ZNF410: variants seen among roughly 807,000 people sequenced by gnomAD.
ZNF410 encodes another partner for ARF 1.
In ZNF410, 18 loss-of-function variants were observed where a neutral mutation model predicts 54.8. The ratio of observed to expected loss-of-function variants is 0.33; its 90% CI spans 0.23 to 0.49. ZNF410 has a LOEUF of 0.49. ZNF410 is among the 20% of genes least tolerant of loss of function. The pLI, the probability that ZNF410 is intolerant of heterozygous loss-of-function variation, is 0.99. For missense variants in ZNF410, 405 were observed against 569.6 expected (o/e 0.71, Z 2.94); for synonymous variants, 191 against 207.3 (o/e 0.92, Z 0.68).
intron 8 of ZNF410, among the ~76,000 whole-genome samples, chr14:73,919,933 A>G (rs1229629220): frequency 9.5e-6 from 1 of 104,986 alleles, no homozygotes. Context: ...CTACTGCAGT[A>G]TCTATAGCTT....
At chr14:73,921,157 G>A in intron 9 of ZNF410, 52 bp downstream of exon 9, 1 of 1,603,648 alleles carries the variant, frequency 6.2e-7, no homozygotes, top group Middle Eastern at 2.0e-4. Flanking sequence ...GGTTCCAAGA[G>A]CCAAATCACT....
rs2055520875 is a variant in ZNF410, at chr14:73,908,144, T to TTTCA, written c.914-1196_914-1193dup. Among the ~76,000 whole-genome samples the TTTCA allele has an allele frequency of 3.3e-5, 5 of 152,286 alleles. No homozygotes were observed. In the South Asian group the frequency reaches 1.0e-3, roughly 32 times the overall value. ...ATTAACAGACCCCAAAGGCCATGTT[T>TTTCA]TTCACCATTTTGCTGCATTGTCTTT... On this transcript the variant is annotated intron_variant, in intron 7 of 11. Coordinates refer to ENST00000555044, the MANE Select transcript of ZNF410 (RefSeq NM_021188.3).
At chr14:73,907,431 C>G (rs1305861034) in intron 7 of ZNF410, among the ~76,000 whole-genome samples, 2 of 151,988 alleles carry the variant, frequency 1.3e-5, no homozygotes, top group Non-Finnish European at 2.9e-5. Context: ...AACCCCATCT[C>G]CACTAAAAAT....
chr14:73,891,740 A>G (rs771210920), intron 1 of ZNF410: 59 of 380,526 alleles, frequency 1.6e-4, no homozygotes, highest in Non-Finnish European at 2.3e-4. Context: ...CATTGCTTCC[A>G]GTTGTTTATT....
At chr14:73,915,392 C>T (rs2055649289) in intron 8 of ZNF410, among the ~76,000 whole-genome samples, 1 of 150,862 alleles carries the variant, frequency 6.6e-6, no homozygotes, top group African/African-American at 2.4e-5. Flanking sequence ...GGCTGGAGTG[C>T]AGTGGTGTGA....
chr14:73,930,420 C>T (rs2140336094), intron 11 of ZNF410, among the ~76,000 whole-genome samples: 1 of 152,288 alleles, frequency 6.6e-6, no homozygotes, highest in African/African-American at 2.4e-5. Context: ...CCCTCAGCCT[C>T]CCAAAGTGGT....
rs1032064004 is a variant in ZNF410 at position 73,898,474 on chromosome 14, T to C, written c.580+212T>C. On this transcript the variant is annotated intron_variant, in intron 5 of 11. Transcript: ENST00000555044. ...CCAACTAGTATTCTGAATTCTCAAC[T>C]TTAAATAATGTACAGAGCCCCTTTT... The C allele has an allele frequency of 3.1e-5, 19 of 604,372 alleles. No individual in the cohort carries two copies. The Middle Eastern group carries it at 1.3e-3, about 42-fold the overall frequency. The allele number at this position is 604,372 out of a possible 1,614,324, so 37.4% of individuals were successfully genotyped here.
At chr14:73,901,432 T>G (rs2055404769) in intron 5 of ZNF410, among the ~76,000 whole-genome samples, 1 of 151,970 alleles carries the variant, frequency 6.6e-6, no homozygotes, top group South Asian at 2.1e-4. Flanking sequence ...TTTTTTTTTT[T>G]TTTAGGGAAA....
intron 1 of ZNF410, among the ~76,000 whole-genome samples, chr14:73,888,919 G>A (rs1038514336): frequency 1.3e-5 from 2 of 152,172 alleles, no homozygotes; most frequent in Non-Finnish European, 2.9e-5. Flanking sequence ...CACAAAAATT[G>A]TATGGTAGTA....
intron 9 of ZNF410, 65 bp downstream of exon 9, chr14:73,921,170 C>T (rs2055749697): frequency 1.9e-6 from 3 of 1,588,134 alleles, no homozygotes; most frequent in South Asian, 1.1e-5. Flanking sequence ...AAATCACTGT[C>T]CTGCCTGCTT....
intron 2 of ZNF410, among the ~76,000 whole-genome samples, chr14:73,893,094 A>G (rs1475865513): frequency 6.6e-6 from 1 of 152,152 alleles, no homozygotes; most frequent in East Asian, 1.9e-4. Context: ...AAAAAAATAC[A>G]TCTTAAATCT....
intron 11 of ZNF410, chr14:73,927,727 T>G (rs1034710184): frequency 6.6e-6 from 1 of 152,038 alleles, no homozygotes; most frequent in African/African-American, 2.4e-5. Context: ...CTGCCTCAAA[T>G]AGCTTATAGG....
chr14:73,927,841 TTTTTTTTAA>T lies in ZNF410; in HGVS notation c.1399-3655_1399-3647del, dbSNP rs1203190554. On this transcript the variant is annotated intron_variant, in intron 11 of 11. Transcript: ENST00000555044. The stretch of plus-strand genomic sequence containing the variant: ...AATTAATCAACCGGCAATTTTTTTT[TTTTTTTTAA>T]TTTTTTAGACGGAGTCTCACTCTGT... The T allele has an allele frequency of 3.9e-5, 6 of 153,718 alleles. No homozygotes were observed. The South Asian group carries it at 9.2e-4, about 24-fold the overall frequency. The allele number at this position is 153,718 out of a possible 1,614,324, so 9.5% of individuals were successfully genotyped here.
chr14:73,909,826 A>G (rs1332438118), intron 8 of ZNF410, among the ~76,000 whole-genome samples: 1 of 152,214 alleles, frequency 6.6e-6, no homozygotes, highest in Non-Finnish European at 1.5e-5. Context: ...CAGTAATATT[A>G]CTGCCTTCTG....
At chr14:73,912,359 G>A (rs1484896810) in intron 8 of ZNF410, among the ~76,000 whole-genome samples, 1 of 151,536 alleles carries the variant, frequency 6.6e-6, no homozygotes. Flanking sequence ...TACTAGAGAC[G>A]GTTTCACCAT....
chr14:73,897,162 AGT>A (rs1311718327), intron 4 of ZNF410, among the ~76,000 whole-genome samples: 2 of 151,700 alleles, frequency 1.3e-5, no homozygotes, highest in African/African-American at 2.4e-5. Flanking sequence ...AGTGAGAAGA[AGT>A]GTGTGTCTGG....
In ZNF410 at chr14:73,919,075, G is replaced by T. The variant is rs369582857; in HGVS notation, c.1004-1905G>T. Among the ~76,000 whole-genome samples, 5 of 123,418 alleles carry T rather than the reference G, an allele frequency of 4.1e-5. No homozygotes were observed. In the South Asian group the frequency reaches 1.4e-3, roughly 34 times the overall value. The allele number at this position is 123,418 out of a possible 152,430, so 81.0% of individuals were successfully genotyped here. On this transcript the variant is annotated intron_variant, in intron 8 of 11. Transcript: ENST00000555044. ...GGCTAGAGTGCAGTGGCATGATCTT[G>T]GCTCACTGCAACTTCCACCTCCTGG...
intron 5 of ZNF410, chr14:73,902,101 C>T (rs1463788392): frequency 6.8e-6 from 1 of 147,612 alleles, no homozygotes; most frequent in African/African-American, 2.5e-5. Flanking sequence ...CGGAGTCTCG[C>T]TCTGTCGCCC....
rs2055319442 is a variant in ZNF410 at position 73,896,466 on chromosome 14, C to G, written c.320C>G (p.Ser107Cys). 1 of 1,614,048 alleles carries G rather than the reference C, an allele frequency of 6.2e-7. No individual in the cohort carries two copies. The highest frequency in any genetic ancestry group is 1.7e-5 in the Admixed American group (1 of 59,998). The change falls in exon 4 of 12, where the codon TCT (serine) becomes TGT (cysteine). Residue 107 changes from serine to cysteine, a missense_variant. This residue lies in a region of ZNF410 where 247 missense variants were observed against 342.8 expected (regional missense o/e 0.72). Transcript: ENST00000555044. ...SPEFLSTSES[S>C]SLLQDLQPSD... ...GAGTTTTTGTCCACTTCAGAGTCTT[C>G]TAGCTTGTTGCAAGATCTACAGCCA...
Sources: allele counts gnomAD v4.1 joint callset (sites outside exome capture counted in the v4.1 genomes callset), GRCh38; gene constraint gnomAD v4.1.1; regional missense constraint gnomAD v4.1.1; transcripts MANE v1.5; gene names NCBI Gene and HGNC (gene_info 2026-07-23, HGNC 2026-07-21).